Variants in PPP2R2C observed in about 807,000 individuals in gnomAD.
The protein encoded by PPP2R2C is protein phosphatase 2 regulatory subunit Bgamma.
Under a neutral mutation model 45.3 loss-of-function variants are expected in PPP2R2C, and 10 were observed. The ratio of observed to expected loss-of-function variants is 0.22; its 90% CI spans 0.14 to 0.37. The LOEUF (loss-of-function observed/expected upper bound fraction) is 0.37, where lower values mean the gene tolerates loss of function less well. Among genes scored for constraint, PPP2R2C ranks in the 10% least tolerant of loss-of-function variants. The probability of loss-of-function intolerance (pLI) is 1.00; values close to 1 mark genes in which losing one functional copy is unlikely to be tolerated. For missense variants in PPP2R2C, 308 were observed against 619.7 expected (o/e 0.50, Z 5.34); for synonymous variants, 257 against 245.4 (o/e 1.05, Z -0.44).
chr4:6,478,045 G>C (rs536948046), intron 2 of PPP2R2C, among the ~76,000 whole-genome samples: 1 of 152,084 alleles, frequency 6.6e-6, no homozygotes, highest in Non-Finnish European at 1.5e-5. Context: ...CCCCAACTGC[G>C]TCTCCAGCCA....
chr4:6,508,285 T>C (rs958847689), intron 2 of PPP2R2C, among the ~76,000 whole-genome samples: 1 of 152,044 alleles, frequency 6.6e-6, no homozygotes, highest in Non-Finnish European at 1.5e-5. Context: ...AGTCTCCCAA[T>C]AGAAACAGCT....
At chr4:6,531,040 G>C (rs891092026) in intron 2 of PPP2R2C, among the ~76,000 whole-genome samples, 5 of 152,236 alleles carry the variant, frequency 3.3e-5, no homozygotes, top group African/African-American at 1.2e-4. Flanking sequence ...AGGGACCACA[G>C]AGCCAGCTTG....
Position 6,330,524 on chromosome 4 carries a change from T to G in PPP2R2C, c.961-1171A>C, listed in dbSNP as rs149427302. Among the ~76,000 whole-genome samples the G allele has an allele frequency of 3.8e-3, 571 of 152,200 alleles. 5 individuals carry two copies. The highest frequency in any genetic ancestry group is 0.013 in the African/African-American group (542 of 41,494). On this transcript the variant is annotated intron_variant, in intron 7 of 8. Coordinates refer to ENST00000382599, the MANE Select transcript of PPP2R2C (RefSeq NM_020416.4). The surrounding 1 kb of genome is among the most constrained non-coding windows in gnomAD (Gnocchi z 7.0). ...TTGTCCAATCAGTCGAAGGCCCTGA[T>G]AGAACAAAGACAGACCTCCCTGAGG... is the stretch of plus-strand genomic sequence containing the variant.
intron 1 of PPP2R2C, among the ~76,000 whole-genome samples, chr4:6,406,105 G>A (rs537470152): frequency 8.5e-5 from 13 of 152,262 alleles, no homozygotes; most frequent in East Asian, 1.9e-4. Flanking sequence ...TTCGGAGCAC[G>A]TTACAAGAAC....
At chr4:6,365,541 T>G (rs538106709) in intron 5 of PPP2R2C, among the ~76,000 whole-genome samples, 18 of 152,246 alleles carry the variant, frequency 1.2e-4, no homozygotes, top group African/African-American at 3.6e-4. Flanking sequence ...GAGTGACTGA[T>G]CAGGGTCAGT....
At chr4:6,392,534 C>T (rs1716719355) in intron 1 of PPP2R2C, among the ~76,000 whole-genome samples, 1 of 152,112 alleles carries the variant, frequency 6.6e-6, no homozygotes, top group South Asian at 2.1e-4. Flanking sequence ...AGAGAGGGAG[C>T]CTCACAGATA....
intron 1 of PPP2R2C, among the ~76,000 whole-genome samples, chr4:6,558,180 G>A (rs1243911516): frequency 6.6e-6 from 1 of 152,208 alleles, no homozygotes; most frequent in Non-Finnish European, 1.5e-5. Context: ...GTGAGCGCCT[G>A]ATACACCTAA....
chr4:6,364,482 G>A lies in PPP2R2C; in HGVS notation c.625+8041C>T, dbSNP rs1189456755. Among the ~76,000 whole-genome samples the A allele has an allele frequency of 5.4e-5, 8 of 149,232 alleles. No individual in the cohort carries two copies. Among genetic ancestry groups the A allele is most frequent in the Middle Eastern group, 3.5e-3 (1 of 284 alleles). On this transcript the variant is annotated intron_variant, in intron 5 of 8. Coordinates refer to ENST00000382599, the MANE Select transcript of PPP2R2C (RefSeq NM_020416.4). The surrounding 1 kb of genome is among the most constrained non-coding windows in gnomAD (Gnocchi z 5.3). The stretch of plus-strand genomic sequence containing the variant: ...GAGCAAGGAGTGACATGATCTTGTC[G>A]TTTTTTTTTTTCTCATGTTGTAGGA...
At chr4:6,470,429 T>C (rs1721807197) in intron 1 of PPP2R2C, among the ~76,000 whole-genome samples, 1 of 152,136 alleles carries the variant, frequency 6.6e-6, no homozygotes, top group Non-Finnish European at 1.5e-5. Flanking sequence ...GGAATTAATG[T>C]TTGAAAATGT....
At chr4:6,539,399 G>A (rs1204213768) in intron 1 of PPP2R2C, among the ~76,000 whole-genome samples, 1 of 152,180 alleles carries the variant, frequency 6.6e-6, no homozygotes, top group Non-Finnish European at 1.5e-5. Flanking sequence ...CGTTTCTGTT[G>A]TCTTAAACCA....
In PPP2R2C at chr4:6,362,151, C is replaced by T. The variant is rs115674613; in HGVS notation, c.625+10372G>A. Among the ~76,000 whole-genome samples the T allele has an allele frequency of 5.6e-3, 849 of 151,956 alleles. 11 individuals carry two copies. Among genetic ancestry groups the T allele is most frequent in the African/African-American group, 0.02 (817 of 41,408 alleles). On this transcript the variant is annotated intron_variant, in intron 5 of 8. Coordinates refer to ENST00000382599, the MANE Select transcript of PPP2R2C (RefSeq NM_020416.4). ...GGTGAGAGCCAGGCTGGAGAGGATG[C>T]GGCGCCAGCAGAACTCAGAGGGAGC...
At chr4:6,337,112 GTATATATATATATATATATATATA>G (rs61657951) in intron 6 of PPP2R2C, among the ~76,000 whole-genome samples, 4,383 of 30,268 alleles carry the variant, frequency 0.14, 364 homozygotes, top group Non-Finnish European at 0.2. Flanking sequence ...ATGTGTGTGT[GTATATATATATATATATATATATA>G]TATATATATA....
In PPP2R2C at chr4:6,563,406, G is replaced by A. The variant is rs1443822615; in HGVS notation, c.-59+154C>T. 6.6e-6 allele frequency among the ~76,000 whole-genome samples: 1 copy of A among 152,132 alleles called. No homozygotes were observed. The highest frequency in any genetic ancestry group is 1.5e-5 in the Non-Finnish European group (1 of 67,986). On this transcript the variant is annotated intron_variant, in intron 1 of 9. Coordinates refer to the PPP2R2C transcript ENST00000506140. The surrounding 1 kb of genome is among the most constrained non-coding windows in gnomAD (Gnocchi z 5.8). ...GCTCTCTGAGTCTCGCTTCTGGCCC[G>A]CGAAGACGCGCCCTCTCCTCCAGTC...
intron 1 of PPP2R2C, among the ~76,000 whole-genome samples, chr4:6,422,476 T>A (rs1291063558): frequency 6.6e-6 from 1 of 152,210 alleles, no homozygotes; most frequent in Non-Finnish European, 1.5e-5. Context: ...ACTGTATTCA[T>A]TTCTAGTGCC....
intron 1 of PPP2R2C, among the ~76,000 whole-genome samples, chr4:6,456,663 CAGTGGAGGGGG>C (rs1288555937): frequency 6.6e-6 from 1 of 152,220 alleles, no homozygotes; most frequent in Non-Finnish European, 1.5e-5. Context: ...ACACTGAACG[CAGTGGAGGGGG>C]AGCTCTGGGT....
chr4:6,423,887 T>C (rs1234904646), intron 1 of PPP2R2C, among the ~76,000 whole-genome samples: 2 of 150,872 alleles, frequency 1.3e-5, no homozygotes, highest in Admixed American at 6.6e-5. Flanking sequence ...TAGAATCAAA[T>C]GTTTTGAGAG....
At chr4:6,428,134 G>A (rs893403115) in intron 1 of PPP2R2C, among the ~76,000 whole-genome samples, 2 of 152,188 alleles carry the variant, frequency 1.3e-5, no homozygotes, top group African/African-American at 4.8e-5. Flanking sequence ...CTTTATGCAT[G>A]TCCTACAAGT....
rs549525915 is a variant in PPP2R2C at position 6,479,421 on chromosome 4, C to T, written c.49+55850G>A. On this transcript the variant is annotated intron_variant, in intron 2 of 9. Transcript: ENST00000506140. Reference sequence around the variant, plus strand: ...AAGACGAAAGCCCACCCACCCCACCCACAACCCAGGTCGCCATGCCTCTGG... The same window carrying T: ...AAGACGAAAGCCCACCCACCCCACCTACAACCCAGGTCGCCATGCCTCTGG... Among the ~76,000 whole-genome samples the T allele has an allele frequency of 4.5e-4, 68 of 150,670 alleles. No individual in the cohort carries two copies. The South Asian group carries it at 0.015, about 32-fold the overall frequency.
intron 5 of PPP2R2C, chr4:6,350,551 A>G: frequency 1.0e-6 from 1 of 985,356 alleles, no homozygotes; most frequent in South Asian, 4.7e-5. Flanking sequence ...CAGGACACTC[A>G]TTCTCGTTGT....
Sources: gnomAD v4.1 joint callset for allele counts (sites outside exome capture counted in the v4.1 genomes callset) on GRCh38, gnomAD v4.1.1 for gene constraint, Gnocchi (gnomAD v3.1) non-coding constraint, MANE v1.5 for transcripts, NCBI Gene and HGNC (gene_info 2026-07-23, HGNC 2026-07-21) for gene names.